The following ARHGAP26 variants were observed in gnomAD, a reference collection of about 807,000 sequenced individuals.
ARHGAP26 encodes rho GTPase-activating protein 26.
Under a neutral mutation model 104.8 loss-of-function variants are expected in ARHGAP26, and 38 were observed. That is an observed-to-expected ratio of 0.36 (90% CI 0.28 to 0.48). The LOEUF (loss-of-function observed/expected upper bound fraction) is 0.48, where lower values mean the gene tolerates loss of function less well. Ranked by LOEUF, ARHGAP26 falls within the 20% of genes least tolerant of loss-of-function variation. ARHGAP26 has a pLI of 0.99. For missense variants in ARHGAP26, 704 were observed against 947.9 expected, an observed-to-expected ratio of 0.74 and a Z score of 3.38; for synonymous variants, 341 against 340.0, an observed-to-expected ratio of 1.00 and a Z score of -0.03.
At chr5:143,179,093 C>T (rs545578683) in intron 20 of ARHGAP26, among the ~76,000 whole-genome samples, 1 of 152,290 alleles carries the variant, frequency 6.6e-6, no homozygotes. Flanking sequence ...TGCTCTTGAA[C>T]TCCTGACCTT....
chr5:143,162,637 G>A (rs1204310436), intron 20 of ARHGAP26, among the ~76,000 whole-genome samples: 4 of 152,168 alleles, frequency 2.6e-5, no homozygotes, highest in Non-Finnish European at 4.4e-5. Flanking sequence ...CTTACTGCCC[G>A]CTTTCCCCTT....
intron 10 of ARHGAP26, chr5:142,921,419 G>A (rs1002524743): frequency 1.2e-5 from 2 of 166,248 alleles, no homozygotes; most frequent in Admixed American, 6.5e-5. Context: ...TATTTTCTTT[G>A]AGGCCATGGT....
chr5:142,934,169 A>T (rs1380513832), intron 11 of ARHGAP26, among the ~76,000 whole-genome samples: 9 of 152,100 alleles, frequency 5.9e-5, no homozygotes, highest in Non-Finnish European at 2.9e-5. Context: ...AAGTCTCCCC[A>T]TCCTCTCTCC....
intron 13 of ARHGAP26, among the ~76,000 whole-genome samples, chr5:143,041,247 G>A (rs1332019412): frequency 2.6e-5 from 4 of 152,158 alleles, no homozygotes; most frequent in Non-Finnish European, 5.9e-5. Flanking sequence ...ACCCTTACTA[G>A]TCTAATTGTA....
chr5:143,207,486 A>T (rs774715495), intron 21 of ARHGAP26, 178 bp downstream of exon 21: 12 of 1,613,284 alleles, frequency 7.4e-6, no homozygotes, highest in Non-Finnish European at 1.0e-5. Context: ...AAAATCTCGG[A>T]TGATGACCAA....
At chr5:143,080,864 G>A (rs188942069) in intron 17 of ARHGAP26, among the ~76,000 whole-genome samples, 2 of 152,294 alleles carry the variant, frequency 1.3e-5, no homozygotes, top group Admixed American at 1.3e-4. Flanking sequence ...GTGGTGTTGG[G>A]GAGGCTGAAG....
chr5:142,790,973 A>G (rs993200905), intron 1 of ARHGAP26, among the ~76,000 whole-genome samples: 4 of 152,152 alleles, frequency 2.6e-5, no homozygotes, highest in African/African-American at 9.7e-5. Context: ...ATGTTCCTTT[A>G]AAGGGCCCTT....
intron 1 of ARHGAP26, among the ~76,000 whole-genome samples, chr5:142,851,955 A>T (rs1185596112): frequency 6.6e-6 from 1 of 152,230 alleles, no homozygotes. Flanking sequence ...ATAGGCACAC[A>T]GTCCCTCCCC....
intron 11 of ARHGAP26, among the ~76,000 whole-genome samples, chr5:142,987,474 C>G (rs996620820): frequency 3.3e-5 from 5 of 151,854 alleles, no homozygotes; most frequent in Non-Finnish European, 7.4e-5. Context: ...TTTCCTAATT[C>G]AATACCTTTT....
At chr5:143,035,738 C>G (rs2152873635) in intron 12 of ARHGAP26, among the ~76,000 whole-genome samples, 1 of 152,014 alleles carries the variant, frequency 6.6e-6, no homozygotes, top group Non-Finnish European at 1.5e-5. Flanking sequence ...GAGTTGAAGA[C>G]CAGCCTGGCC....
intron 20 of ARHGAP26, among the ~76,000 whole-genome samples, chr5:143,160,221 T>G (rs1486164474): frequency 6.6e-6 from 1 of 151,622 alleles, no homozygotes; most frequent in African/African-American, 2.4e-5. Context: ...CACCACACCT[T>G]GCTAATTTTT....
At chr5:142,780,313 A>G (rs1371098912) in intron 1 of ARHGAP26, among the ~76,000 whole-genome samples, 1 of 152,180 alleles carries the variant, frequency 6.6e-6, no homozygotes, top group Non-Finnish European at 1.5e-5. Flanking sequence ...TGTTGTGAAC[A>G]TCCTGGCACC....
At chr5:142,870,586 C>T (rs1403314985) in intron 1 of ARHGAP26, among the ~76,000 whole-genome samples, 1 of 152,190 alleles carries the variant, frequency 6.6e-6, no homozygotes, top group Non-Finnish European at 1.5e-5. Flanking sequence ...TTTCCTGGTT[C>T]CTCTTACTGG....
intron 11 of ARHGAP26, among the ~76,000 whole-genome samples, chr5:142,988,203 C>T (rs1314318533): frequency 6.6e-6 from 1 of 152,116 alleles, no homozygotes; most frequent in Non-Finnish European, 1.5e-5. Context: ...TCAACTTCTT[C>T]CTGGTTTAGT....
At chr5:142,924,909 A>C (rs1458620502) in intron 10 of ARHGAP26, among the ~76,000 whole-genome samples, 2 of 152,218 alleles carry the variant, frequency 1.3e-5, no homozygotes, top group Non-Finnish European at 1.5e-5. Flanking sequence ...AAGAATATAG[A>C]CAGGCATCCT....
At chr5:143,081,968 C>T (rs1232880638) in intron 17 of ARHGAP26, among the ~76,000 whole-genome samples, 1 of 148,812 alleles carries the variant, frequency 6.7e-6, no homozygotes, top group African/African-American at 2.5e-5. Context: ...CGAGATCGCG[C>T]CACTGCGCTC....
At chr5:143,111,227 T>C (rs1376624013) in intron 17 of ARHGAP26, among the ~76,000 whole-genome samples, 1 of 152,194 alleles carries the variant, frequency 6.6e-6, no homozygotes, top group Non-Finnish European at 1.5e-5. Flanking sequence ...TGACCCATGA[T>C]CTCCTTAAGG....
intron 11 of ARHGAP26, among the ~76,000 whole-genome samples, chr5:142,940,218 T>C (rs1231043011): frequency 6.6e-6 from 1 of 152,234 alleles, no homozygotes; most frequent in Non-Finnish European, 1.5e-5. Context: ...AAATAAGTGA[T>C]TGAAAGAGTA....
At chr5:143,215,819 G>A (rs1245759984) in intron 22 of ARHGAP26, among the ~76,000 whole-genome samples, 1 of 152,178 alleles carries the variant, frequency 6.6e-6, no homozygotes, top group African/African-American at 2.4e-5. Flanking sequence ...TTTTATGTGC[G>A]ATGGTATGGA....
Sources: allele counts gnomAD v4.1 joint callset (sites outside exome capture counted in the v4.1 genomes callset), GRCh38; gene constraint gnomAD v4.1.1; transcripts MANE v1.5; gene names NCBI Gene and HGNC (gene_info 2026-07-23, HGNC 2026-07-21).